ELP4: variants seen among roughly 807,000 people sequenced by gnomAD.
ELP4 encodes elongator complex protein 4.
ELP4 carries 51 observed loss-of-function variants against 48.9 expected under a neutral mutation model. The observed-to-expected ratio is 1.04, with a 90% CI of 0.83 to 1.32. The LOEUF is 1.32. ELP4 is among the 40% of genes most tolerant of loss of function. The pLI is 0.00. For synonymous variants in ELP4, 210 were observed against 189.2 expected, an observed-to-expected ratio of 1.11 and a Z score of -0.90; for missense variants, 519 against 514.6, an observed-to-expected ratio of 1.01 and a Z score of -0.08.
chr11:31,783,811 A>G lies in ELP4; in HGVS notation c.*287A>G, dbSNP rs1948432370. ...CCTGACAGTGGTCATTCGTGTGTGT[A>G]CTAAGGCATTTAGTGTCATGGTAAA... is the stretch of plus-strand genomic sequence containing the variant. On this transcript the variant is annotated 3_prime_UTR_variant, in exon 10 of 10. Transcript: ENST00000640961. 1 of 242,528 alleles carries G rather than the reference A, an allele frequency of 4.1e-6. No homozygotes were observed. The highest frequency in any genetic ancestry group is 7.9e-5 in the East Asian group (1 of 12,680). The allele number at this position is 242,528 out of a possible 1,614,324, so 15.0% of individuals were successfully genotyped here.
chr11:31,691,279 A>G (rs931709972), intron 9 of ELP4, among the ~76,000 whole-genome samples: 4 of 152,046 alleles, frequency 2.6e-5, no homozygotes, highest in African/African-American at 9.7e-5. Flanking sequence ...AAACTAGACT[A>G]TATCTGTTAA....
chr11:31,546,560 A>G (rs1956722316), intron 3 of ELP4, among the ~76,000 whole-genome samples: 1 of 152,198 alleles, frequency 6.6e-6, no homozygotes, highest in South Asian at 2.1e-4. Context: ...CCCACTGTCA[A>G]CATTAGACAG....
At chr11:31,726,884 A>G (rs1477512278) in intron 9 of ELP4, among the ~76,000 whole-genome samples, 10 of 152,232 alleles carry the variant, frequency 6.6e-5, no homozygotes, top group Non-Finnish European at 4.4e-5. Context: ...ATAATAAACA[A>G]TAAACAGAAA....
chr11:31,518,348 C>G (rs531051), intron 1 of ELP4, among the ~76,000 whole-genome samples: 2 of 151,810 alleles, frequency 1.3e-5, no homozygotes, highest in Admixed American at 1.3e-4. Context: ...TCAGGTGATC[C>G]GCCCGCCTCA....
intron 2 of ELP4, among the ~76,000 whole-genome samples, chr11:31,521,959 A>G (rs1956220637): frequency 6.6e-6 from 1 of 152,124 alleles, no homozygotes; most frequent in South Asian, 2.1e-4. Context: ...CTTACCAGTC[A>G]TTTACTTACA....
At chr11:31,675,132 G>A (rs1403046625) in intron 9 of ELP4, among the ~76,000 whole-genome samples, 1 of 152,172 alleles carries the variant, frequency 6.6e-6, no homozygotes, top group South Asian at 2.1e-4. Context: ...TTCTTAGCAT[G>A]TAGGAAAAAT....
intron 3 of ELP4, among the ~76,000 whole-genome samples, chr11:31,553,552 A>G (rs1224889229): frequency 6.6e-6 from 1 of 152,064 alleles, no homozygotes; most frequent in East Asian, 1.9e-4. Context: ...CAGCCTGCAA[A>G]TTGGAATTAC....
intron 9 of ELP4, among the ~76,000 whole-genome samples, chr11:31,701,733 A>G (rs1453398264): frequency 1.3e-5 from 2 of 149,972 alleles, no homozygotes; most frequent in Non-Finnish European, 3.0e-5. Context: ...TACACACATT[A>G]TATATATTTT....
intron 3 of ELP4, among the ~76,000 whole-genome samples, chr11:31,563,831 G>A (rs1297762115): frequency 1.3e-5 from 2 of 152,050 alleles, no homozygotes; most frequent in Admixed American, 6.6e-5. Flanking sequence ...TAATCCCTCT[G>A]TTAGGAAAGA....
intron 2 of ELP4, among the ~76,000 whole-genome samples, chr11:31,536,651 C>T (rs1423883864): frequency 6.6e-6 from 1 of 152,224 alleles, no homozygotes; most frequent in Admixed American, 6.5e-5. Context: ...CGCATCTGGT[C>T]TGCCAAACTG....
intron 7 of ELP4, chr11:31,646,194 T>C (rs1192244392): frequency 2.0e-5 from 3 of 151,698 alleles, no homozygotes; most frequent in Non-Finnish European, 4.4e-5. Flanking sequence ...TTAGAAAAAA[T>C]AGGCATTTCC....
chr11:31,786,457 C>A lies in ELP4; in HGVS notation c.*2933C>A. The A allele has an allele frequency of 4.5e-6, 1 of 220,338 alleles. No homozygotes were observed. Among genetic ancestry groups the A allele is most frequent in the East Asian group, 6.6e-5 (1 of 15,082 alleles). 13.6% of individuals were successfully genotyped at this position (220,338 alleles called of 1,614,324 possible). A position where few individuals can be genotyped will look rare whatever the true frequency, so the allele number is the denominator to read the frequency against. On this transcript the variant is annotated 3_prime_UTR_variant, in exon 10 of 10. Coordinates refer to ENST00000640961, the MANE Select transcript of ELP4 (RefSeq NM_019040.5). Reference sequence around the variant, plus strand: ...GCCAAAACACAGAAAAACAAAAAAGCAGATGAGGTTTATTCTTGAGAAATG... The same window carrying A: ...GCCAAAACACAGAAAAACAAAAAAGAAGATGAGGTTTATTCTTGAGAAATG...
At chr11:31,780,213 C>T (rs536588659) in intron 9 of ELP4, among the ~76,000 whole-genome samples, 8 of 152,088 alleles carry the variant, frequency 5.3e-5, no homozygotes, top group Non-Finnish European at 1.0e-4. Context: ...GATACAGCAG[C>T]ATCTGAACAT....
chr11:31,736,570 C>T (rs1369481914), intron 9 of ELP4, among the ~76,000 whole-genome samples: 1 of 152,122 alleles, frequency 6.6e-6, no homozygotes, highest in East Asian at 1.9e-4. Context: ...TTTTTGCAAC[C>T]TACTCATCTG....
At chr11:31,759,390 C>G (rs1266757505) in intron 9 of ELP4, among the ~76,000 whole-genome samples, 1 of 152,180 alleles carries the variant, frequency 6.6e-6, no homozygotes, top group Non-Finnish European at 1.5e-5. Flanking sequence ...GACTGGAGCA[C>G]CTATGCTAAC....
intron 7 of ELP4, among the ~76,000 whole-genome samples, chr11:31,640,732 C>T (rs1945077402): frequency 6.6e-6 from 1 of 151,968 alleles, no homozygotes; most frequent in South Asian, 2.1e-4. Context: ...AAATTGTACA[C>T]TGTGGCTGAA....
At chr11:31,542,131 TG>T (rs1295469218) in intron 3 of ELP4, among the ~76,000 whole-genome samples, 1 of 152,154 alleles carries the variant, frequency 6.6e-6, no homozygotes, top group Non-Finnish European at 1.5e-5. Context: ...TCGAAACACT[TG>T]GCATCAGATA....
At chr11:31,634,114 G>A (rs1045611891) in intron 7 of ELP4, 2 of 151,916 alleles carry the variant, frequency 1.3e-5, no homozygotes, top group African/African-American at 2.4e-5. Flanking sequence ...ATTCAAGCTC[G>A]GATCTGGCTA....
intron 9 of ELP4, among the ~76,000 whole-genome samples, chr11:31,771,994 T>A (rs7950325): frequency 0.02 from 3,040 of 151,562 alleles, 97 homozygotes; most frequent in African/African-American, 0.069. Flanking sequence ...AAAAAAAAAA[T>A]TAGGTCTTAG....
Sources: allele counts gnomAD v4.1 joint callset (sites outside exome capture counted in the v4.1 genomes callset), GRCh38; gene constraint gnomAD v4.1.1; transcripts MANE v1.5; gene names NCBI Gene and HGNC (gene_info 2026-07-23, HGNC 2026-07-21).